CYTH1: variants seen among roughly 807,000 people sequenced by gnomAD.
The protein encoded by CYTH1 is cytohesin-1.
In CYTH1, 18 loss-of-function variants were observed where a neutral mutation model predicts 61.8. That is an observed-to-expected ratio of 0.29 (90% CI 0.20 to 0.43). The LOEUF (loss-of-function observed/expected upper bound fraction) is 0.43. CYTH1 is among the 20% of genes least tolerant of loss of function. The pLI, the probability that CYTH1 is intolerant of heterozygous loss-of-function variation, is 1.00. For missense variants in CYTH1, 336 were observed against 510.5 expected, an observed-to-expected ratio of 0.66 and a Z score of 3.29; for synonymous variants, 174 against 184.3, an observed-to-expected ratio of 0.94 and a Z score of 0.45.
Position 78,700,193 on chromosome 17 carries a change from T to C in CYTH1, c.550+138A>G. ...TCAGACTTTCAGGTTATTTCCAACA[T>C]TTTACTATTATAACTATCATTGAGT... On this transcript the variant is annotated intron_variant, in intron 7 of 13. Coordinates refer to ENST00000446868, the MANE Select transcript of CYTH1 (RefSeq NM_004762.6). The surrounding 1 kb of genome is among the most constrained non-coding windows in gnomAD (Gnocchi z 5.1). 1 of 740,128 alleles carries C rather than the reference T, an allele frequency of 1.4e-6. No homozygotes were observed. Among genetic ancestry groups the C allele is most frequent in the Non-Finnish European group, 2.1e-6 (1 of 475,780 alleles). 45.8% of individuals were successfully genotyped at this position (740,128 alleles called of 1,614,324 possible).
rs138179656 is a variant in CYTH1, at chr17:78,748,151, C to A, written c.22+34051G>T. ...ACTGTCCGCCACTGCACCCCACACA[C>A]CGGAAACAAACTAAAGATGCTGACC... is the stretch of plus-strand genomic sequence containing the variant. On this transcript the variant is annotated intron_variant, in intron 1 of 13. Coordinates refer to ENST00000446868, the MANE Select transcript of CYTH1 (RefSeq NM_004762.6). Among the ~76,000 whole-genome samples, 70 of 152,320 alleles carry A rather than the reference C, an allele frequency of 4.6e-4. 1 individual carries two copies. Among genetic ancestry groups the A allele is most frequent in the African/African-American group, 1.5e-3 (64 of 41,564 alleles).
chr17:78,741,520 A>G (rs1454616182), intron 1 of CYTH1, among the ~76,000 whole-genome samples: 1 of 152,178 alleles, frequency 6.6e-6, no homozygotes, highest in Non-Finnish European at 1.5e-5. Flanking sequence ...GCAGAAAGGT[A>G]AGATAGGCAC....
At chr17:78,734,641 T>A (rs985716475) in intron 1 of CYTH1, among the ~76,000 whole-genome samples, 1 of 151,892 alleles carries the variant, frequency 6.6e-6, no homozygotes, top group African/African-American at 2.4e-5. Flanking sequence ...GGTTTCACCA[T>A]GTTGGCTAGG....
chr17:78,721,862 G>A (rs1024172372), intron 1 of CYTH1, among the ~76,000 whole-genome samples: 11 of 152,054 alleles, frequency 7.2e-5, no homozygotes, highest in Non-Finnish European at 1.3e-4. Context: ...TGACCAACAC[G>A]GTGAAAAACC....
chr17:78,760,517 GTATATATA>G (rs755629315), intron 1 of CYTH1, among the ~76,000 whole-genome samples: 1 of 29,658 alleles, frequency 3.4e-5, no homozygotes, highest in South Asian at 8.9e-4. Context: ...GTATATATAT[GTATATATA>G]TATATACATA....
chr17:78,771,100 T>TAAAAATAC (rs1483554314), intron 1 of CYTH1, among the ~76,000 whole-genome samples: 1 of 151,692 alleles, frequency 6.6e-6, no homozygotes, highest in Non-Finnish European at 1.5e-5. Context: ...CCATCTCTAC[T>TAAAAATAC]AAAAATACAA....
chr17:78,739,850 A>G (rs2093335158), intron 1 of CYTH1, among the ~76,000 whole-genome samples: 1 of 152,192 alleles, frequency 6.6e-6, no homozygotes, highest in Non-Finnish European at 1.5e-5. Context: ...GGATGTCCCA[A>G]TGGAGTCCAC....
intron 13 of CYTH1, chr17:78,677,407 G>T (rs1401730207): frequency 1.0e-5 from 2 of 198,162 alleles, no homozygotes; most frequent in African/African-American, 4.7e-5. Flanking sequence ...GCCTGGCCCT[G>T]CCTGCTGCTT....
At chr17:78,680,617 C>CT (rs1218519627) in intron 12 of CYTH1, among the ~76,000 whole-genome samples, 1 of 152,150 alleles carries the variant, frequency 6.6e-6, no homozygotes, top group Non-Finnish European at 1.5e-5. Flanking sequence ...TGACTCACGA[C>CT]TTTAACTTCA....
At chr17:78,694,563 T>C (rs1392301420) in intron 10 of CYTH1, among the ~76,000 whole-genome samples, 1 of 152,164 alleles carries the variant, frequency 6.6e-6, no homozygotes, top group Non-Finnish European at 1.5e-5. Context: ...CCTCCACCAA[T>C]TCAGAGTCTG....
intron 11 of CYTH1, among the ~76,000 whole-genome samples, chr17:78,685,203 CA>C (rs58642161): frequency 0.015 from 895 of 60,420 alleles, 6 homozygotes; most frequent in African/African-American, 0.047. Flanking sequence ...GACTCTGTCT[CA>C]AAAAAAAAAA....
chr17:78,760,192 T>C (rs1023663022), intron 1 of CYTH1, among the ~76,000 whole-genome samples: 10 of 151,354 alleles, frequency 6.6e-5, no homozygotes, highest in African/African-American at 2.2e-4. Context: ...TTCATCTGCC[T>C]AGGACATCTG....
At chr17:78,710,199 A>C (rs1457808926) in intron 1 of CYTH1, among the ~76,000 whole-genome samples, 2 of 152,206 alleles carry the variant, frequency 1.3e-5, no homozygotes, top group Non-Finnish European at 2.9e-5. Context: ...GTGTACGAAC[A>C]ATTTTGTGCC....
chr17:78,773,448 G>A (rs2093479382), intron 1 of CYTH1, among the ~76,000 whole-genome samples: 1 of 152,084 alleles, frequency 6.6e-6, no homozygotes, highest in Non-Finnish European at 1.5e-5. Flanking sequence ...TTACCAACAT[G>A]GTGAAACCCC....
At chr17:78,706,093 C>A (rs1767592926) in intron 3 of CYTH1, among the ~76,000 whole-genome samples, 1 of 152,022 alleles carries the variant, frequency 6.6e-6, no homozygotes, top group East Asian at 1.9e-4. Flanking sequence ...AGGTGTATTA[C>A]CTTTATAGTC....
chr17:78,721,086 T>G (rs1400063242), intron 1 of CYTH1, among the ~76,000 whole-genome samples: 1 of 152,162 alleles, frequency 6.6e-6, no homozygotes, highest in Non-Finnish European at 1.5e-5. Context: ...TCCCAGCACT[T>G]TGGGGGGCCG....
chr17:78,693,215 C>G (rs1384089035), intron 10 of CYTH1, among the ~76,000 whole-genome samples: 2 of 152,138 alleles, frequency 1.3e-5, no homozygotes, highest in Non-Finnish European at 2.9e-5. Context: ...TCACCTGGAG[C>G]TTATAACAGA....
chr17:78,716,714 A>C (rs2093183893), intron 1 of CYTH1, among the ~76,000 whole-genome samples: 1 of 152,254 alleles, frequency 6.6e-6, no homozygotes, highest in East Asian at 1.9e-4. Flanking sequence ...TGCAACATCA[A>C]ATCTTTAATT....
At chr17:78,767,738 G>C (rs200323711) in intron 1 of CYTH1, among the ~76,000 whole-genome samples, 1 of 151,734 alleles carries the variant, frequency 6.6e-6, no homozygotes, top group Admixed American at 6.6e-5. Flanking sequence ...AAATTAGAGA[G>C]GTCTAGAGGT....
Sources: allele counts gnomAD v4.1 joint callset (sites outside exome capture counted in the v4.1 genomes callset), GRCh38; gene constraint gnomAD v4.1.1; non-coding constraint Gnocchi (gnomAD v3.1); transcripts MANE v1.5; gene names NCBI Gene and HGNC (gene_info 2026-07-23, HGNC 2026-07-21).